The following AADAT variants were observed in gnomAD, a reference collection of about 807,000 sequenced individuals.
AADAT encodes the protein kynurenine/alpha-aminoadipate aminotransferase, mitochondrial.
In AADAT, 25 loss-of-function variants were observed where a neutral mutation model predicts 56.2. The ratio of observed to expected loss-of-function variants is 0.44; its 90% CI spans 0.32 to 0.62. The LOEUF is 0.62. AADAT is among the 20% of genes least tolerant of loss of function. The pLI, the probability that AADAT is intolerant of heterozygous loss-of-function variation, is 0.04. For synonymous variants in AADAT, 173 were observed against 164.7 expected, an observed-to-expected ratio of 1.05 and a Z score of -0.39; for missense variants, 387 against 510.5, an observed-to-expected ratio of 0.76 and a Z score of 2.33.
In AADAT at chr4:170,089,612, C is replaced by T; in HGVS notation, c.67+12G>A. The stretch of plus-strand genomic sequence containing the variant: ...CCCACCCCAAAGGAGAGATGGTCAC[C>T]CCGTTTCTCACTCATGGTCCGGATG... On this transcript the variant is annotated intron_variant, in intron 1 of 12. Transcript: ENST00000337664. 6.2e-7 allele frequency: 1 copy of T among 1,614,118 alleles called. No homozygotes were observed. Among genetic ancestry groups the T allele is most frequent in the Non-Finnish European group, 8.5e-7 (1 of 1,179,972 alleles).
intron 10 of AADAT, among the ~76,000 whole-genome samples, chr4:170,065,182 A>G (rs1240085666): frequency 6.6e-6 from 1 of 152,238 alleles, no homozygotes; most frequent in Non-Finnish European, 1.5e-5. Context: ...AATTTAGAAG[A>G]GGATTCTTCC....
intron 6 of AADAT, among the ~76,000 whole-genome samples, chr4:170,070,311 T>G (rs570803859): frequency 6.6e-6 from 1 of 152,278 alleles, no homozygotes; most frequent in South Asian, 2.1e-4. Flanking sequence ...CCTGATTTAC[T>G]CTGTTTGTCC....
In AADAT at chr4:170,080,769, C is replaced by A. The variant is rs143770718; in HGVS notation, c.370-2186G>T. On this transcript the variant is annotated intron_variant, in intron 3 of 12. Transcript: ENST00000337664. ...ACCTTGGAAGATGCCAACAAGGAAGCAGTGACCCAACAATAGAGATTTACT... is the reference window on the plus strand; with the variant it reads ...ACCTTGGAAGATGCCAACAAGGAAGAAGTGACCCAACAATAGAGATTTACT... 1.1e-3 allele frequency among the ~76,000 whole-genome samples: 171 copies of A among 152,262 alleles called. 1 individual carries two copies. The highest frequency in any genetic ancestry group is 3.9e-3 in the African/African-American group (164 of 41,568).
intron 9 of AADAT, 126 bp downstream of exon 9, chr4:170,067,201 G>A (rs1374518523): frequency 8.7e-6 from 6 of 687,446 alleles, no homozygotes; most frequent in South Asian, 8.4e-5. Flanking sequence ...ATAATAGACC[G>A]TTCCTATTGT....
upstream of AADAT, among the ~76,000 whole-genome samples, chr4:170,092,334 A>G (rs111718810): frequency 0.043 from 6,527 of 152,266 alleles, 466 homozygotes; most frequent in African/African-American, 0.15. Context: ...ACGCACCCAC[A>G]GGGAGGAGTA....
chr4:170,066,280 G>A (rs1369560625), intron 10 of AADAT, 134 bp downstream of exon 10: 1 of 764,606 alleles, frequency 1.3e-6, no homozygotes. Flanking sequence ...ATGATTTATG[G>A]TGTAATGTTT....
chr4:170,061,715 A>G (rs577289796), intron 12 of AADAT, among the ~76,000 whole-genome samples, 177 bp downstream of exon 12: 1 of 152,370 alleles, frequency 6.6e-6, no homozygotes, highest in Non-Finnish European at 1.5e-5. Flanking sequence ...TTTCTATAGA[A>G]GTCTAGCAAC....
intron 5 of AADAT, among the ~76,000 whole-genome samples, chr4:170,072,875 T>C (rs567165852): frequency 6.6e-6 from 1 of 152,084 alleles, no homozygotes; most frequent in South Asian, 2.1e-4. Context: ...TCTCAAAAAA[T>C]TTAACATCAG....
At chr4:170,075,332 CTTTT>C (rs1561018326) in intron 4 of AADAT, among the ~76,000 whole-genome samples, 1 of 152,040 alleles carries the variant, frequency 6.6e-6, no homozygotes, top group Admixed American at 6.5e-5. Flanking sequence ...CATTTTAAGC[CTTTT>C]TTGTTTGTTT....
chr4:170,087,224 T>C lies in AADAT; in HGVS notation c.261A>G (p.Leu87=). The C allele has an allele frequency of 6.2e-7, 1 of 1,613,496 alleles. No individual in the cohort carries two copies. Among genetic ancestry groups the C allele is most frequent in the Non-Finnish European group, 8.5e-7 (1 of 1,179,884 alleles). The change falls in exon 3 of 13, where the codon CTA becomes CTG. Residue 87 remains leucine, a synonymous_variant. Coordinates refer to ENST00000337664, the MANE Select transcript of AADAT (RefSeq NM_016228.4). ...SAGIPELLSW[L]KQLQIKLHNP... ...TATGCAATTTTATTTGTAACTGTTT[T>C]AGCCAGGACAAAAGCTCTGGAATTC...
At chr4:170,088,269 G>A in intron 2 of AADAT, 127 bp downstream of exon 2, 3 of 969,930 alleles carry the variant, frequency 3.1e-6, no homozygotes, top group Non-Finnish European at 4.4e-6. Context: ...ATGACCAAAT[G>A]GGTCAATGGC....
chr4:170,070,429 C>T (rs1731701334), intron 6 of AADAT, 158 bp downstream of exon 6: 1 of 551,280 alleles, frequency 1.8e-6, no homozygotes, highest in Non-Finnish European at 3.2e-6. Flanking sequence ...AACTGGAAGA[C>T]TGAAAAGTAA....
chr4:170,075,014 A>G (rs1244734063), intron 4 of AADAT, among the ~76,000 whole-genome samples: 1 of 152,250 alleles, frequency 6.6e-6, no homozygotes, highest in Non-Finnish European at 1.5e-5. Context: ...GACAAATTTA[A>G]AAGGCCTTAA....
At chr4:170,065,511 T>G (rs1320777096) in intron 10 of AADAT, among the ~76,000 whole-genome samples, 2 of 149,466 alleles carry the variant, frequency 1.3e-5, no homozygotes, top group African/African-American at 4.9e-5. Context: ...CTAATTCTGT[T>G]TTTTTTTTTT....
upstream of AADAT, among the ~76,000 whole-genome samples, chr4:170,092,411 G>A (rs1181990796): frequency 1.3e-5 from 2 of 152,232 alleles, no homozygotes; most frequent in African/African-American, 4.8e-5. Context: ...CTTCACGCCA[G>A]CAGCCAGTGA....
At chr4:170,093,241 C>G (rs1732920080), upstream of AADAT, among the ~76,000 whole-genome samples, 1 of 152,024 alleles carries the variant, frequency 6.6e-6, no homozygotes, top group South Asian at 2.1e-4. Context: ...CCAGCCTGAC[C>G]ATCATGGCAA....
At chr4:170,070,529 G>A in intron 6 of AADAT, 58 bp downstream of exon 6, 1 of 1,262,706 alleles carries the variant, frequency 7.9e-7, no homozygotes, top group South Asian at 1.3e-5. Flanking sequence ...CCAACACAGT[G>A]CAGTAACTTA....
upstream of AADAT, among the ~76,000 whole-genome samples, chr4:170,090,924 C>T (rs1329075880): frequency 6.6e-6 from 1 of 152,232 alleles, no homozygotes; most frequent in Non-Finnish European, 1.5e-5. Context: ...CCAAATGGCT[C>T]TCTTTTAAGT....
upstream of AADAT, among the ~76,000 whole-genome samples, chr4:170,091,266 G>T (rs1038194125): frequency 3.3e-5 from 5 of 152,296 alleles, no homozygotes; most frequent in Admixed American, 1.3e-4. Flanking sequence ...CTGTGCGGGC[G>T]CTTGCGAGCC....
Sources: allele counts gnomAD v4.1 joint callset (sites outside exome capture counted in the v4.1 genomes callset), GRCh38; gene constraint gnomAD v4.1.1; transcripts MANE v1.5; gene names NCBI Gene and HGNC (gene_info 2026-07-23, HGNC 2026-07-21).